Variants in PTPRT observed in about 807,000 individuals in gnomAD.
PTPRT encodes the protein receptor-type tyrosine-protein phosphatase T.
Under a neutral mutation model 176.8 loss-of-function variants are expected in PTPRT, and 56 were observed. That is an observed-to-expected ratio of 0.32 (90% confidence interval 0.26 to 0.40). The LOEUF (loss-of-function observed/expected upper bound fraction) is 0.40, where lower values mean the gene tolerates loss of function less well. PTPRT is among the 10% of genes least tolerant of loss of function. PTPRT has a pLI of 1.00. For synonymous variants in PTPRT, 783 were observed against 739.0 expected (o/e 1.06, Z -0.96); for missense variants, 1,540 against 1,908.2 (o/e 0.81, Z 3.60).
intron 7 of PTPRT, among the ~76,000 whole-genome samples, chr20:42,569,944 A>T (rs1305239296): frequency 6.6e-6 from 1 of 152,146 alleles, no homozygotes; most frequent in East Asian, 1.9e-4. Context: ...GCAAACTACT[A>T]AGTCTATGTT....
intron 7 of PTPRT, among the ~76,000 whole-genome samples, chr20:42,601,880 C>T (rs8114928): frequency 0.25 from 37,942 of 151,990 alleles, 5,098 homozygotes; most frequent in Non-Finnish European, 0.3. Context: ...CAATTTCTGG[C>T]TAGCAGACTG....
At chr20:42,513,782 T>C (rs775501543) in intron 7 of PTPRT, among the ~76,000 whole-genome samples, 2 of 152,168 alleles carry the variant, frequency 1.3e-5, no homozygotes, top group African/African-American at 4.8e-5. Context: ...ACACCCATTT[T>C]TCTGAATTTG....
intron 19 of PTPRT, among the ~76,000 whole-genome samples, chr20:42,123,455 C>T (rs953018198): frequency 1.3e-5 from 2 of 152,166 alleles, no homozygotes; most frequent in African/African-American, 4.8e-5. Context: ...GGGGTAAAGG[C>T]TACTAATGGG....
At chr20:42,720,540 G>A (rs57889361) in intron 6 of PTPRT, among the ~76,000 whole-genome samples, 10 of 152,182 alleles carry the variant, frequency 6.6e-5, no homozygotes, top group Admixed American at 1.3e-4. Context: ...AAAAACTGAC[G>A]AATGTTCCAT....
intron 16 of PTPRT, among the ~76,000 whole-genome samples, chr20:42,188,867 G>T (rs1446055094): frequency 1.3e-5 from 2 of 152,190 alleles, no homozygotes; most frequent in Admixed American, 1.3e-4. Flanking sequence ...CTTTGAAAGT[G>T]TATTGAGGAA....
intron 1 of PTPRT, among the ~76,000 whole-genome samples, chr20:43,006,463 G>C (rs1012878796): frequency 2.0e-5 from 3 of 152,098 alleles, no homozygotes; most frequent in Non-Finnish European, 4.4e-5. Context: ...CAGTTCTCCT[G>C]TATCTGCCTG....
chr20:43,112,285 T>G (rs1474812499), intron 1 of PTPRT, among the ~76,000 whole-genome samples: 1 of 152,112 alleles, frequency 6.6e-6, no homozygotes, highest in Non-Finnish European at 1.5e-5. Context: ...AAAGTCAAAC[T>G]CATAAATCTA....
At chr20:42,303,553 C>T (rs2057501229) in intron 12 of PTPRT, among the ~76,000 whole-genome samples, 1 of 152,116 alleles carries the variant, frequency 6.6e-6, no homozygotes, top group African/African-American at 2.4e-5. Flanking sequence ...TCAACCCCAG[C>T]TCGTTCTCTT....
chr20:42,806,482 C>CAAA (rs11475047), intron 2 of PTPRT, among the ~76,000 whole-genome samples: 1 of 115,098 alleles, frequency 8.7e-6, no homozygotes, highest in African/African-American at 3.4e-5. Flanking sequence ...GACTCTGTCT[C>CAAA]AAAAAAAAAA....
chr20:42,245,845 A>G (rs1426320417), intron 14 of PTPRT, among the ~76,000 whole-genome samples: 1 of 152,136 alleles, frequency 6.6e-6, no homozygotes, highest in Non-Finnish European at 1.5e-5. Flanking sequence ...TATTAGGAGC[A>G]GAAAAAAAAC....
chr20:42,904,672 T>G (rs1227309210), intron 1 of PTPRT, among the ~76,000 whole-genome samples: 1 of 152,258 alleles, frequency 6.6e-6, no homozygotes, highest in Middle Eastern at 3.4e-3. Flanking sequence ...TCTGTTTTCA[T>G]GCCCAAATGT....
At chr20:42,619,902 CA>C (rs1429154072) in intron 7 of PTPRT, among the ~76,000 whole-genome samples, 1 of 143,730 alleles carries the variant, frequency 7.0e-6, no homozygotes, top group Non-Finnish European at 1.5e-5. Context: ...TCCCGTAGCT[CA>C]GAGTAATTTG....
chr20:42,718,022 G>A (rs899478388), intron 6 of PTPRT, among the ~76,000 whole-genome samples: 11 of 152,230 alleles, frequency 7.2e-5, no homozygotes, highest in South Asian at 2.1e-4. Flanking sequence ...TATGCAATCT[G>A]TCATATTAGA....
chr20:42,918,643 T>C (rs1464244641), intron 1 of PTPRT, among the ~76,000 whole-genome samples: 1 of 152,112 alleles, frequency 6.6e-6, no homozygotes, highest in Non-Finnish European at 1.5e-5. Context: ...AAATCTTTCC[T>C]TACTACTGTA....
At chr20:43,004,368 C>T (rs1984744054) in intron 1 of PTPRT, among the ~76,000 whole-genome samples, 1 of 152,274 alleles carries the variant, frequency 6.6e-6, no homozygotes, top group South Asian at 2.1e-4. Flanking sequence ...TTAAATGGCA[C>T]TCATCTAGAT....
chr20:42,739,249 T>C (rs1239699862), intron 6 of PTPRT, among the ~76,000 whole-genome samples: 2 of 151,028 alleles, frequency 1.3e-5, no homozygotes, highest in African/African-American at 2.4e-5. Context: ...ACCCAAAACA[T>C]TGGTGTGTAA....
intron 2 of PTPRT, among the ~76,000 whole-genome samples, chr20:42,868,877 CCTCAAGT>C (rs1420834768): frequency 1.3e-5 from 2 of 152,198 alleles, no homozygotes; most frequent in Non-Finnish European, 2.9e-5. Flanking sequence ...CTCTGTGCCA[CCTCAAGT>C]CTCTGCTTAC....
intron 3 of PTPRT, among the ~76,000 whole-genome samples, chr20:42,781,886 G>A (rs990013095): frequency 5.3e-5 from 8 of 152,192 alleles, no homozygotes; most frequent in African/African-American, 1.9e-4. Flanking sequence ...CTAGGTTCAA[G>A]TCCTGGCTGT....
rs1051388771 is a variant in PTPRT at position 42,679,934 on chromosome 20, T to C, written c.860-1775A>G. The stretch of plus-strand genomic sequence containing the variant: ...GAACCAACTGCGAGGAATGGGATTA[T>C]ATGTCAAAGGGTATGAACAAGAGGA... On this transcript the variant is annotated intron_variant, in intron 6 of 30. Transcript: ENST00000373187. 2.0e-5 allele frequency among the ~76,000 whole-genome samples: 3 copies of C among 152,192 alleles called. No homozygotes were observed. In the East Asian group the frequency reaches 5.8e-4, roughly 29 times the overall value.
Sources: gnomAD v4.1 joint callset for allele counts (sites outside exome capture counted in the v4.1 genomes callset) on GRCh38, gnomAD v4.1.1 for gene constraint, MANE v1.5 for transcripts, NCBI Gene and HGNC (gene_info 2026-07-23, HGNC 2026-07-21) for gene names.